The following LRRTM4 variants were observed in gnomAD, a reference collection of about 807,000 sequenced individuals.
LRRTM4 encodes the protein leucine-rich repeat transmembrane neuronal protein 4.
Under a neutral mutation model 47.6 loss-of-function variants are expected in LRRTM4, and 25 were observed. That is an observed-to-expected ratio of 0.53 (90% CI 0.38 to 0.73). The LOEUF (loss-of-function observed/expected upper bound fraction) is 0.73, where lower values mean the gene tolerates loss of function less well. LRRTM4 is among the 30% of genes least tolerant of loss of function. The pLI, the probability that LRRTM4 is intolerant of heterozygous loss-of-function variation, is 0.00. For missense variants in LRRTM4, 638 were observed against 713.4 expected (o/e 0.89, Z 1.20); for synonymous variants, 311 against 269.5 (o/e 1.15, Z -1.51).
At chr2:77,143,856 G>T (rs564575563) in intron 3 of LRRTM4, among the ~76,000 whole-genome samples, 2 of 152,280 alleles carry the variant, frequency 1.3e-5, no homozygotes, top group East Asian at 1.9e-4. Flanking sequence ...GCCAAGTCCT[G>T]ATACTGCCTG....
intron 3 of LRRTM4, among the ~76,000 whole-genome samples, chr2:77,353,825 A>G (rs139201665): frequency 6.6e-6 from 1 of 152,288 alleles, no homozygotes; most frequent in Non-Finnish European, 1.5e-5. Context: ...GGTGAGCCCT[A>G]AAGCTGGGGC....
intron 3 of LRRTM4, among the ~76,000 whole-genome samples, chr2:76,841,934 C>A (rs1018791990): frequency 1.3e-5 from 2 of 152,234 alleles, no homozygotes; most frequent in African/African-American, 4.8e-5. Context: ...ACATGCGCTG[C>A]TCATAGAAGG....
intron 3 of LRRTM4, among the ~76,000 whole-genome samples, chr2:77,083,980 T>C (rs950554829): frequency 6.6e-6 from 1 of 151,666 alleles, no homozygotes; most frequent in Non-Finnish European, 1.5e-5. Context: ...AATTTTTTTA[T>C]ATTTTTAGTA....
intron 3 of LRRTM4, among the ~76,000 whole-genome samples, chr2:77,195,633 T>G (rs1031200410): frequency 1.3e-5 from 2 of 152,174 alleles, no homozygotes; most frequent in African/African-American, 4.8e-5. Context: ...TATGTAGATA[T>G]ATAAAATCAT....
At chr2:77,474,778 T>C (rs902734907) in intron 3 of LRRTM4, among the ~76,000 whole-genome samples, 4 of 152,152 alleles carry the variant, frequency 2.6e-5, no homozygotes, top group South Asian at 4.1e-4. Flanking sequence ...GATTCAATTA[T>C]GTTGGATGTG....
intron 3 of LRRTM4, among the ~76,000 whole-genome samples, chr2:76,925,125 A>G (rs147197152): frequency 4.4e-4 from 67 of 152,290 alleles, no homozygotes; most frequent in African/African-American, 1.6e-3. Context: ...TTCCTTTACC[A>G]GCTGGCTTTT....
In LRRTM4 at chr2:77,415,160, C is replaced by T. The variant is rs368173786; in HGVS notation, c.1551+103158G>A. Among the ~76,000 whole-genome samples the T allele has an allele frequency of 2.6e-5, 4 of 152,208 alleles. No individual in the cohort carries two copies. The East Asian group carries it at 5.8e-4, about 22-fold the overall frequency. ...GAAGACATAAGTTTGCTCACTTTAT[C>T]CAAATATTTTGTATACATTTTTTTC... On this transcript the variant is annotated intron_variant, in intron 3 of 3. Transcript: ENST00000409884.
chr2:77,437,839 A>C (rs1415197506), intron 3 of LRRTM4, among the ~76,000 whole-genome samples: 3 of 152,088 alleles, frequency 2.0e-5, no homozygotes, highest in Middle Eastern at 3.2e-3. Flanking sequence ...ATAATACACA[A>C]TTTTTCTCTT....
intron 3 of LRRTM4, among the ~76,000 whole-genome samples, chr2:76,991,652 C>A (rs72823157): frequency 0.017 from 2,518 of 151,524 alleles, 59 homozygotes; most frequent in East Asian, 0.083. Flanking sequence ...AAAAAACTAC[C>A]AACAAAAAAG....
intron 3 of LRRTM4, among the ~76,000 whole-genome samples, chr2:76,779,392 G>A (rs1389677875): frequency 6.6e-6 from 1 of 150,862 alleles, no homozygotes; most frequent in African/African-American, 2.4e-5. Flanking sequence ...ATGTATGGGA[G>A]TCTAAGTCTC....
chr2:76,830,342 CT>C (rs1260683588), intron 3 of LRRTM4, among the ~76,000 whole-genome samples: 2 of 152,056 alleles, frequency 1.3e-5, no homozygotes, highest in East Asian at 1.9e-4. Context: ...AATATCTACA[CT>C]TTTTTAATCT....
At chr2:77,046,549 G>T (rs529077187) in intron 3 of LRRTM4, among the ~76,000 whole-genome samples, 1 of 152,066 alleles carries the variant, frequency 6.6e-6, no homozygotes, top group Non-Finnish European at 1.5e-5. Context: ...TTGGCAGAAT[G>T]ACTAGAGTAT....
intron 3 of LRRTM4, among the ~76,000 whole-genome samples, chr2:76,834,776 C>T (rs1255510970): frequency 6.6e-6 from 1 of 151,814 alleles, no homozygotes; most frequent in Non-Finnish European, 1.5e-5. Flanking sequence ...AAAGATGATT[C>T]CTACATAAAA....
intron 3 of LRRTM4, among the ~76,000 whole-genome samples, chr2:77,478,015 T>C (rs531802137): frequency 2.0e-5 from 3 of 152,188 alleles, no homozygotes; most frequent in African/African-American, 7.2e-5. Context: ...TTTCATCTTA[T>C]GAATGAAGGA....
At chr2:77,074,950 T>A (rs1283072472) in intron 3 of LRRTM4, among the ~76,000 whole-genome samples, 1 of 152,200 alleles carries the variant, frequency 6.6e-6, no homozygotes, top group African/African-American at 2.4e-5. Flanking sequence ...TTTCTATGTT[T>A]TTGTTAGCAT....
chr2:76,829,825 AT>A (rs1175187971), intron 3 of LRRTM4, among the ~76,000 whole-genome samples: 3 of 151,992 alleles, frequency 2.0e-5, no homozygotes, highest in African/African-American at 7.2e-5. Context: ...TTGCATTTTA[AT>A]TCATCAGGGT....
At chr2:77,467,525 G>A (rs989971348) in intron 3 of LRRTM4, among the ~76,000 whole-genome samples, 1 of 152,180 alleles carries the variant, frequency 6.6e-6, no homozygotes, top group Non-Finnish European at 1.5e-5. Flanking sequence ...ACATTTATGA[G>A]TGCACATGTG....
intron 3 of LRRTM4, among the ~76,000 whole-genome samples, chr2:76,831,847 A>C (rs976775923): frequency 6.6e-6 from 1 of 152,092 alleles, no homozygotes; most frequent in Non-Finnish European, 1.5e-5. Context: ...TTTGTGCAGA[A>C]GGAAATATAA....
intron 3 of LRRTM4, among the ~76,000 whole-genome samples, chr2:77,243,438 A>G (rs557319000): frequency 2.0e-5 from 3 of 150,986 alleles, no homozygotes; most frequent in South Asian, 2.1e-4. Flanking sequence ...AAAAAATAAA[A>G]AAAAAAGATA....
Sources: gnomAD v4.1 joint callset for allele counts (sites outside exome capture counted in the v4.1 genomes callset) on GRCh38, gnomAD v4.1.1 for gene constraint, MANE v1.5 for transcripts, NCBI Gene and HGNC (gene_info 2026-07-23, HGNC 2026-07-21) for gene names.